Variants in PRICKLE2 observed in about 807,000 individuals in gnomAD.
The protein encoded by PRICKLE2 is prickle planar cell polarity protein 2.
In PRICKLE2, 21 loss-of-function variants were observed where a neutral mutation model predicts 81.4. The ratio of observed to expected loss-of-function variants is 0.26; its 90% CI spans 0.18 to 0.37. The LOEUF (loss-of-function observed/expected upper bound fraction) is 0.37. Among genes scored for constraint, PRICKLE2 ranks in the 10% least tolerant of loss-of-function variants. The probability of loss-of-function intolerance (pLI) is 1.00; values close to 1 mark genes in which losing one functional copy is unlikely to be tolerated. For synonymous variants in PRICKLE2, 456 were observed against 421.5 expected (o/e 1.08, Z -1.00); for missense variants, 940 against 1,109.0 (o/e 0.85, Z 2.16).
chr3:64,250,565 T>C (rs1173452839), intron 2 of PRICKLE2, among the ~76,000 whole-genome samples: 1 of 152,138 alleles, frequency 6.6e-6, no homozygotes, highest in Non-Finnish European at 1.5e-5. Flanking sequence ...GGCCAATCAG[T>C]AGGTGTTTTT....
chr3:64,193,573 C>T (rs2078388848), intron 2 of PRICKLE2, among the ~76,000 whole-genome samples: 1 of 152,082 alleles, frequency 6.6e-6, no homozygotes, highest in African/African-American at 2.4e-5. Context: ...CATTTTTGTC[C>T]AAATCAAAGC....
At chr3:64,249,307 T>C (rs1358355225) in intron 2 of PRICKLE2, among the ~76,000 whole-genome samples, 1 of 152,158 alleles carries the variant, frequency 6.6e-6, no homozygotes, top group Non-Finnish European at 1.5e-5. Context: ...ACTCACTCAC[T>C]ATCACAAGAA....
intron 1 of PRICKLE2, among the ~76,000 whole-genome samples, chr3:64,222,988 C>T (rs767480244): frequency 1.3e-5 from 2 of 152,116 alleles, no homozygotes; most frequent in Non-Finnish European, 2.9e-5. Flanking sequence ...CTGTGAAATA[C>T]AGTAGTTCTG....
intron 7 of PRICKLE2, chr3:64,145,986 T>C (rs2077443317): frequency 1.3e-5 from 2 of 152,094 alleles, no homozygotes; most frequent in African/African-American, 4.8e-5. Flanking sequence ...TTAAGAATTT[T>C]GGGGAAAACA....
chr3:64,267,399 C>G (rs940728587), intron 2 of PRICKLE2, among the ~76,000 whole-genome samples: 1 of 150,818 alleles, frequency 6.6e-6, no homozygotes, highest in East Asian at 1.9e-4. Flanking sequence ...CAACTTTTAT[C>G]TTTTCGGGGA....
intron 7 of PRICKLE2, chr3:64,146,392 G>C (rs543693339): frequency 5.0e-6 from 1 of 199,472 alleles, no homozygotes; most frequent in African/African-American, 2.3e-5. Context: ...CTCAAACTTG[G>C]GTTTACCTTC....
rs2076559376 is a variant in PRICKLE2, at chr3:64,095,462, T to C, written c.*3589A>G. ...AACTGGTCCTGGCTGGTTGGAGTGT[T>C]GCAAAGATCTGTGAGGCTGCATCCA... is the stretch of plus-strand genomic sequence containing the variant. On this transcript the variant is annotated 3_prime_UTR_variant, in exon 8 of 8. Coordinates refer to ENST00000638394, the MANE Select transcript of PRICKLE2 (RefSeq NM_198859.4). 6.6e-6 allele frequency: 1 copy of C among 152,196 alleles called. No individual in the cohort carries two copies. The highest frequency in any genetic ancestry group is 6.5e-5 in the Admixed American group (1 of 15,270). 9.4% of individuals were successfully genotyped at this position (152,196 alleles called of 1,614,324 possible).
chr3:64,185,097 T>C (rs1161173466), intron 2 of PRICKLE2, among the ~76,000 whole-genome samples: 1 of 152,234 alleles, frequency 6.6e-6, no homozygotes, highest in South Asian at 2.1e-4. Context: ...TGTTAGATAT[T>C]GTCCTTGGGA....
chr3:64,258,893 G>T (rs79283650), intron 2 of PRICKLE2, among the ~76,000 whole-genome samples: 3,057 of 140,240 alleles, frequency 0.022, 60 homozygotes, highest in African/African-American at 0.034. Context: ...AAGAAAGAAA[G>T]AAATCAGGAG....
At chr3:64,233,236 A>T (rs567577620) in intron 2 of PRICKLE2, among the ~76,000 whole-genome samples, 1 of 148,224 alleles carries the variant, frequency 6.7e-6, no homozygotes, top group African/African-American at 2.4e-5. Flanking sequence ...CCAAGTCACC[A>T]TCAACTCTTG....
rs746785648 is a variant in PRICKLE2 at position 64,096,110 on chromosome 3, C to T, written c.*2941G>A. 4 of 152,220 alleles carry T rather than the reference C, an allele frequency of 2.6e-5. No individual in the cohort carries two copies. The highest frequency in any genetic ancestry group is 5.9e-5 in the Non-Finnish European group (4 of 68,054). The allele number at this position is 152,220 out of a possible 1,614,324, so 9.4% of individuals were successfully genotyped here. On this transcript the variant is annotated 3_prime_UTR_variant, in exon 8 of 8. Transcript: ENST00000638394. ...GAGCAGCAATAGGAAATGAACTCAA[C>T]TCCGAAGTTGCAGTTCTAACCAAAA...
chr3:64,233,070 T>C (rs775089427), intron 2 of PRICKLE2, among the ~76,000 whole-genome samples: 35 of 152,206 alleles, frequency 2.3e-4, no homozygotes, highest in Non-Finnish European at 2.9e-4. Context: ...CTGCAAAGCC[T>C]AATACATTTA....
At chr3:64,141,791 A>T in intron 7 of PRICKLE2, 1 of 985,228 alleles carries the variant, frequency 1.0e-6, no homozygotes, top group South Asian at 4.7e-5. Context: ...CAGAAAGATC[A>T]CACTTCATGC....
intron 2 of PRICKLE2, among the ~76,000 whole-genome samples, chr3:64,260,775 A>G (rs1484170029): frequency 6.6e-6 from 1 of 152,210 alleles, no homozygotes; most frequent in Admixed American, 6.5e-5. Flanking sequence ...TTGGGGCCAG[A>G]GAGAAGAGCA....
chr3:64,264,336 G>A (rs1434158467), intron 2 of PRICKLE2, among the ~76,000 whole-genome samples: 9 of 152,146 alleles, frequency 5.9e-5, no homozygotes. Context: ...TGCTTCTCAA[G>A]ATAAAGTCCA....
At chr3:64,214,033 T>G (rs973424436) in intron 1 of PRICKLE2, among the ~76,000 whole-genome samples, 7 of 152,160 alleles carry the variant, frequency 4.6e-5, no homozygotes, top group Non-Finnish European at 7.3e-5. Flanking sequence ...AATAACATTT[T>G]CAGTTTATAT....
chr3:64,251,208 A>G (rs1204679709), intron 2 of PRICKLE2, among the ~76,000 whole-genome samples: 1 of 152,238 alleles, frequency 6.6e-6, no homozygotes, highest in African/African-American at 2.4e-5. Context: ...GCTTAGCAAT[A>G]TAAGGCTTAG....
chr3:64,234,228 A>G (rs943310251), intron 2 of PRICKLE2, among the ~76,000 whole-genome samples: 1 of 152,116 alleles, frequency 6.6e-6, no homozygotes, highest in African/African-American at 2.4e-5. Flanking sequence ...TTAACATTTC[A>G]TAGAACCATC....
At chr3:64,146,231 T>C (rs1159042938) in intron 7 of PRICKLE2, 1 of 157,642 alleles carries the variant, frequency 6.3e-6, no homozygotes, top group East Asian at 1.9e-4. Context: ...CAGACCCCAG[T>C]GAAGACACCA....
Sources: gnomAD v4.1 joint callset for allele counts (sites outside exome capture counted in the v4.1 genomes callset) on GRCh38, gnomAD v4.1.1 for gene constraint, MANE v1.5 for transcripts, NCBI Gene and HGNC (gene_info 2026-07-23, HGNC 2026-07-21) for gene names.